The following EIPR1 variants were observed in gnomAD, a reference collection of about 807,000 sequenced individuals.
The protein encoded by EIPR1 is EARP and GARP complex-interacting protein 1.
In EIPR1, 25 loss-of-function variants were observed where a neutral mutation model predicts 48.1. That is an observed-to-expected ratio of 0.52 (90% CI 0.38 to 0.73). EIPR1 has a LOEUF of 0.73. EIPR1 is among the 30% of genes least tolerant of loss of function. EIPR1 has a pLI of 0.00. For synonymous variants in EIPR1, 204 were observed against 201.9 expected (o/e 1.01, Z -0.09); for missense variants, 415 against 506.2 (o/e 0.82, Z 1.73).
At chr2:3,235,957 T>C (rs1004761852) in intron 4 of EIPR1, among the ~76,000 whole-genome samples, 8 of 152,130 alleles carry the variant, frequency 5.3e-5, no homozygotes, top group Non-Finnish European at 1.0e-4. Flanking sequence ...GAGCAGGACT[T>C]AGGTGGAGAA....
In EIPR1 at chr2:3,296,311, TCTAC is replaced by T. The variant is rs1446889503; in HGVS notation, c.260-38860_260-38857del. Among the ~76,000 whole-genome samples the T allele has an allele frequency of 6.4e-3, 717 of 112,040 alleles. 1 individual carries two copies. Among genetic ancestry groups the T allele is most frequent in the Non-Finnish European group, 7.9e-3 (437 of 55,464 alleles). The allele number at this position is 112,040 out of a possible 152,430, so 73.5% of individuals were successfully genotyped here. ...GACACCCTCCATCCAGCCCATCCTCTCTACACACACACACCCTCCATCCAGCCCG... is the reference window on the plus strand; with the variant it reads ...GACACCCTCCATCCAGCCCATCCTCTACACACACACCCTCCATCCAGCCCG... On this transcript the variant is annotated intron_variant, in intron 3 of 8. Coordinates refer to ENST00000382125, the MANE Select transcript of EIPR1 (RefSeq NM_003310.5).
intron 4 of EIPR1, among the ~76,000 whole-genome samples, chr2:3,255,195 T>C (rs1667116057): frequency 6.6e-6 from 1 of 151,940 alleles, no homozygotes; most frequent in Non-Finnish European, 1.5e-5. Flanking sequence ...ACTTTCTTTT[T>C]TTTTTTTTTT....
chr2:3,195,113 G>T (rs747340042), intron 6 of EIPR1, among the ~76,000 whole-genome samples: 3 of 152,200 alleles, frequency 2.0e-5, no homozygotes, highest in Admixed American at 6.5e-5. Flanking sequence ...CTCCTCGCAG[G>T]GTCTGAAGTC....
intron 8 of EIPR1, 109 bp downstream of exon 8, chr2:3,192,305 C>G: frequency 1.5e-6 from 2 of 1,314,798 alleles, no homozygotes; most frequent in South Asian, 3.4e-5. Flanking sequence ...AGAGTGTCCC[C>G]CAAATGCACT....
At chr2:3,225,804 C>A (rs1666046805) in intron 4 of EIPR1, among the ~76,000 whole-genome samples, 2 of 152,084 alleles carry the variant, frequency 1.3e-5, no homozygotes, top group African/African-American at 4.8e-5. Context: ...CTTTCCAACC[C>A]CTCCCACCAG....
At chr2:3,257,564 T>C in intron 3 of EIPR1, 109 bp from the exon 4 acceptor site, 1 of 1,343,930 alleles carries the variant, frequency 7.4e-7, no homozygotes, top group Non-Finnish European at 1.0e-6. Context: ...GCATCTGCTC[T>C]TTAAAATATG....
At chr2:3,318,820 G>C (rs1307980283) in intron 3 of EIPR1, 4 of 469,638 alleles carry the variant, frequency 8.5e-6, no homozygotes, top group Middle Eastern at 3.3e-4. Flanking sequence ...CCAAACTCAG[G>C]AGGGGTGCTT....
chr2:3,209,672 G>C (rs1425516877), intron 5 of EIPR1, among the ~76,000 whole-genome samples: 2 of 152,284 alleles, frequency 1.3e-5, no homozygotes, highest in Admixed American at 6.5e-5. Flanking sequence ...TCCAGACAAT[G>C]GAACATTACT....
At chr2:3,220,609 C>T (rs915327378) in intron 4 of EIPR1, among the ~76,000 whole-genome samples, 2 of 151,098 alleles carry the variant, frequency 1.3e-5, no homozygotes, top group African/African-American at 2.4e-5. Flanking sequence ...TGCATGTGTA[C>T]ATTTTAAAGC....
At chr2:3,234,840 G>C (rs978913312) in intron 4 of EIPR1, among the ~76,000 whole-genome samples, 1 of 152,208 alleles carries the variant, frequency 6.6e-6, no homozygotes, top group African/African-American at 2.4e-5. Context: ...TTTGAAGTAA[G>C]TGTTCATCTC....
chr2:3,355,037 T>A (rs1670687485), intron 1 of EIPR1, among the ~76,000 whole-genome samples: 1 of 152,156 alleles, frequency 6.6e-6, no homozygotes, highest in South Asian at 2.1e-4. Context: ...CTTCTGCAGA[T>A]AACAACTAGA....
At chr2:3,302,651 T>G (rs1668796033) in intron 3 of EIPR1, among the ~76,000 whole-genome samples, 1 of 152,260 alleles carries the variant, frequency 6.6e-6, no homozygotes, top group Admixed American at 6.5e-5. Flanking sequence ...CCCATTGCAG[T>G]GGCCATTGCC....
At chr2:3,279,761 A>G (rs1436182054) in intron 3 of EIPR1, among the ~76,000 whole-genome samples, 1 of 152,262 alleles carries the variant, frequency 6.6e-6, no homozygotes, top group Non-Finnish European at 1.5e-5. Context: ...CCTGACGCGC[A>G]GAGCTGTGAG....
At chr2:3,206,870 T>C (rs2103123559) in intron 5 of EIPR1, among the ~76,000 whole-genome samples, 1 of 152,218 alleles carries the variant, frequency 6.6e-6, no homozygotes, top group Middle Eastern at 3.4e-3. Flanking sequence ...AAAGATCTTT[T>C]AAAAAGAATA....
chr2:3,251,236 T>C (rs1666993140), intron 4 of EIPR1, among the ~76,000 whole-genome samples: 1 of 152,168 alleles, frequency 6.6e-6, no homozygotes, highest in African/African-American at 2.4e-5. Flanking sequence ...GTGCCCTCTG[T>C]AAGTTCCTAC....
At chr2:3,218,418 A>C (rs1665726335) in intron 4 of EIPR1, among the ~76,000 whole-genome samples, 1 of 148,026 alleles carries the variant, frequency 6.8e-6, no homozygotes, top group Admixed American at 6.7e-5. Context: ...GAGCATTCAC[A>C]GTGAGTCAGG....
chr2:3,336,201 G>A lies in EIPR1; in HGVS notation c.259+1816C>T, dbSNP rs115650491. On this transcript the variant is annotated intron_variant, in intron 3 of 8. Coordinates refer to ENST00000382125, the MANE Select transcript of EIPR1 (RefSeq NM_003310.5). ...AGGAGACCAAGGCAGAGAAGAGATC[G>A]TCTCTAAAAGATCTGCAGTTATGCT... Among the ~76,000 whole-genome samples, 1,182 of 152,314 alleles carry A rather than the reference G, an allele frequency of 7.8e-3. 17 individuals carry two copies. The highest frequency in any genetic ancestry group is 0.025 in the African/African-American group (1,055 of 41,552).
chr2:3,301,080 A>G (rs1397436926), intron 3 of EIPR1: 3 of 152,236 alleles, frequency 2.0e-5, no homozygotes, highest in Non-Finnish European at 4.4e-5. Flanking sequence ...GCTGACTTTT[A>G]GAGCATTTCT....
Position 3,253,008 on chromosome 2 carries a change from C to T in EIPR1, c.416+4291G>A, listed in dbSNP as rs184972166. The stretch of plus-strand genomic sequence containing the variant: ...GCCATGATGGGAAGTGGGGATCGGA[C>T]GTGCCTCATTCTACCTCTCTGGCAT... On this transcript the variant is annotated intron_variant, in intron 4 of 8. Coordinates refer to ENST00000382125, the MANE Select transcript of EIPR1 (RefSeq NM_003310.5). Among the ~76,000 whole-genome samples the T allele has an allele frequency of 3.9e-5, 6 of 152,314 alleles. No individual in the cohort carries two copies. In the East Asian group the frequency reaches 7.7e-4, roughly 20 times the overall value.
Sources: gnomAD v4.1 joint callset for allele counts (sites outside exome capture counted in the v4.1 genomes callset) on GRCh38, gnomAD v4.1.1 for gene constraint, MANE v1.5 for transcripts, NCBI Gene and HGNC (gene_info 2026-07-23, HGNC 2026-07-21) for gene names.